Variants in RUNX1 observed in about 807,000 individuals in gnomAD.
RUNX1 encodes runt-related transcription factor 1.
RUNX1 carries 19 observed loss-of-function variants against 42.8 expected under a neutral mutation model. The observed-to-expected ratio is 0.44, with a 90% CI of 0.31 to 0.65. RUNX1 has a LOEUF of 0.65. Ranked by LOEUF, RUNX1 falls within the 30% of genes least tolerant of loss-of-function variation. The pLI is 0.07. For synonymous variants in RUNX1, 271 were observed against 289.4 expected, an observed-to-expected ratio of 0.94 and a Z score of 0.64; for missense variants, 528 against 672.0, an observed-to-expected ratio of 0.79 and a Z score of 2.37.
intron 2 of RUNX1, among the ~76,000 whole-genome samples, chr21:35,014,587 G>A (rs2059147062): frequency 6.6e-6 from 1 of 152,224 alleles, no homozygotes; most frequent in Non-Finnish European, 1.5e-5. Context: ...CAGTGGTTCT[G>A]AAAACCCAGA....
chr21:35,039,583 A>G (rs1218153210), intron 2 of RUNX1, among the ~76,000 whole-genome samples: 2 of 152,232 alleles, frequency 1.3e-5, no homozygotes, highest in African/African-American at 2.4e-5. Flanking sequence ...CTCATAGTTC[A>G]TATGTCTCAG....
At chr21:34,890,792 C>G (rs1241329665) in intron 3 of RUNX1, among the ~76,000 whole-genome samples, 1 of 150,082 alleles carries the variant, frequency 6.7e-6, no homozygotes, top group African/African-American at 2.5e-5. Context: ...TCGCGCGCGC[C>G]CGCCCGCCCG....
At chr21:34,977,069 A>G (rs964720906) in intron 2 of RUNX1, among the ~76,000 whole-genome samples, 2 of 152,200 alleles carry the variant, frequency 1.3e-5, no homozygotes, top group Non-Finnish European at 2.9e-5. Flanking sequence ...TCTCTGTATA[A>G]TTTAATAAAT....
chr21:34,879,870 A>C (rs777648570), intron 5 of RUNX1, among the ~76,000 whole-genome samples: 3 of 152,232 alleles, frequency 2.0e-5, no homozygotes, highest in Non-Finnish European at 4.4e-5. Flanking sequence ...GCAAGGAAAA[A>C]TAAAATCACA....
chr21:34,951,783 T>C (rs1242391073), intron 2 of RUNX1, among the ~76,000 whole-genome samples: 2 of 152,194 alleles, frequency 1.3e-5, no homozygotes, highest in Non-Finnish European at 2.9e-5. Context: ...TTGGTGGGAA[T>C]GTAAATTAGT....
intron 2 of RUNX1, among the ~76,000 whole-genome samples, chr21:34,894,798 C>A (rs905651079): frequency 4.6e-5 from 7 of 151,498 alleles, no homozygotes; most frequent in African/African-American, 9.7e-5. Flanking sequence ...TCATTGCTAC[C>A]CCCATTTTAC....
chr21:35,011,345 T>C (rs932291685), intron 2 of RUNX1, among the ~76,000 whole-genome samples: 2 of 152,192 alleles, frequency 1.3e-5, no homozygotes, highest in African/African-American at 4.8e-5. Context: ...CCGAGACTCC[T>C]TCTCAAGCCC....
At chr21:34,863,452 CCA>C (rs2057605921) in intron 5 of RUNX1, among the ~76,000 whole-genome samples, 1 of 152,034 alleles carries the variant, frequency 6.6e-6, no homozygotes, top group Non-Finnish European at 1.5e-5. Flanking sequence ...ATCTGGTAAA[CCA>C]CAGACTAACC....
chr21:34,887,197 G>A lies in RUNX1; in HGVS notation c.98-101C>T, dbSNP rs763599525. 4 of 1,325,408 alleles carry A rather than the reference G, an allele frequency of 3.0e-6. No homozygotes were observed. The East Asian group carries it at 1.9e-4, about 61-fold the overall frequency. The allele number at this position is 1,325,408 out of a possible 1,614,324, so 82.1% of individuals were successfully genotyped here. A position where few individuals can be genotyped will look rare whatever the true frequency, so the allele number is the denominator to read the frequency against. On this transcript the variant is annotated intron_variant, in intron 3 of 8. Coordinates refer to ENST00000675419, the MANE Select transcript of RUNX1 (RefSeq NM_001754.5). Reference sequence around the variant, plus strand: ...CGCGGATCTTCAGCAAGCAGCTCCCGGGAGACCAACATACACGTTCAGGGG... The same window carrying A: ...CGCGGATCTTCAGCAAGCAGCTCCCAGGAGACCAACATACACGTTCAGGGG...
At chr21:35,029,019 T>G (rs1423434234) in intron 2 of RUNX1, among the ~76,000 whole-genome samples, 1 of 152,160 alleles carries the variant, frequency 6.6e-6, no homozygotes, top group Non-Finnish European at 1.5e-5. Flanking sequence ...ATTTTCCACT[T>G]GAAATCAAGG....
intron 5 of RUNX1, among the ~76,000 whole-genome samples, chr21:34,865,501 C>G (rs1302092893): frequency 6.9e-6 from 1 of 143,960 alleles, no homozygotes; most frequent in Non-Finnish European, 1.6e-5. Flanking sequence ...TCCCTCGACG[C>G]CAGTGTGTCC....
chr21:34,863,072 T>C (rs1361085240), intron 5 of RUNX1, among the ~76,000 whole-genome samples: 2 of 152,222 alleles, frequency 1.3e-5, no homozygotes, highest in Non-Finnish European at 2.9e-5. Context: ...ACCAATCTCA[T>C]GAAATAAACA....
At chr21:34,863,660 T>A (rs1222186255) in intron 5 of RUNX1, among the ~76,000 whole-genome samples, 1 of 150,318 alleles carries the variant, frequency 6.7e-6, no homozygotes, top group African/African-American at 2.5e-5. Flanking sequence ...GTTCAAGCGA[T>A]TCTCCTGCCT....
At chr21:34,847,724 C>G (rs548683589) in intron 6 of RUNX1, among the ~76,000 whole-genome samples, 2 of 152,200 alleles carry the variant, frequency 1.3e-5, no homozygotes, top group East Asian at 3.9e-4. Flanking sequence ...TTTGATAAAA[C>G]CTTTAATTGG....
At chr21:34,889,723 C>T in intron 3 of RUNX1, 5 of 1,183,828 alleles carry the variant, frequency 4.2e-6, no homozygotes, top group South Asian at 3.7e-5. Context: ...CCGGTCCCCG[C>T]GGTGCTGCGG....
intron 2 of RUNX1, among the ~76,000 whole-genome samples, chr21:35,043,172 C>T (rs754247843): frequency 3.9e-5 from 6 of 152,148 alleles, no homozygotes; most frequent in South Asian, 2.1e-4. Context: ...ATTGTGTTCA[C>T]GGTCAGCAAA....
intron 7 of RUNX1, among the ~76,000 whole-genome samples, chr21:34,809,640 T>C (rs182280307): frequency 6.6e-6 from 1 of 152,124 alleles, no homozygotes; most frequent in Non-Finnish European, 1.5e-5. Context: ...AGGCTGGGCA[T>C]GGAAGGCCGT....
intron 6 of RUNX1, among the ~76,000 whole-genome samples, chr21:34,837,293 G>C (rs2057161308): frequency 6.6e-6 from 1 of 152,168 alleles, no homozygotes; most frequent in Admixed American, 6.5e-5. Flanking sequence ...GGAGTCAGTA[G>C]GAACGTTATT....
chr21:34,977,382 A>G (rs2146773900), intron 2 of RUNX1, among the ~76,000 whole-genome samples: 1 of 152,338 alleles, frequency 6.6e-6, no homozygotes, highest in African/African-American at 2.4e-5. Context: ...CAAGCTCTGG[A>G]AAACTACCCC....
Sources: allele counts gnomAD v4.1 joint callset (sites outside exome capture counted in the v4.1 genomes callset), GRCh38; gene constraint gnomAD v4.1.1; transcripts MANE v1.5; gene names NCBI Gene and HGNC (gene_info 2026-07-23, HGNC 2026-07-21).